CDH12: variants seen among roughly 807,000 people sequenced by gnomAD.
CDH12 encodes cadherin 12.
Under a neutral mutation model 74.1 loss-of-function variants are expected in CDH12, and 41 were observed. That is an observed-to-expected ratio of 0.55 (90% CI 0.43 to 0.72). The LOEUF is 0.72. Ranked by LOEUF, CDH12 falls within the 30% of genes least tolerant of loss-of-function variation. CDH12 has a pLI of 0.00. For missense variants in CDH12, 945 were observed against 977.2 expected, an observed-to-expected ratio of 0.97 and a Z score of 0.44; for synonymous variants, 399 against 355.0, an observed-to-expected ratio of 1.12 and a Z score of -1.39.
chr5:22,089,069 C>A (rs1034352650), intron 4 of CDH12, among the ~76,000 whole-genome samples: 1 of 152,174 alleles, frequency 6.6e-6, no homozygotes, highest in African/African-American at 2.4e-5. Flanking sequence ...CATTGACCAG[C>A]AGGCTGTTTA....
At chr5:21,934,774 C>T (rs1044469206) in intron 6 of CDH12, among the ~76,000 whole-genome samples, 2 of 151,906 alleles carry the variant, frequency 1.3e-5, no homozygotes, top group Non-Finnish European at 2.9e-5. Flanking sequence ...CCCCCTTTCC[C>T]TCCACATTCT....
chr5:22,822,471 G>T (rs1032767154), intron 1 of CDH12, among the ~76,000 whole-genome samples: 9 of 151,966 alleles, frequency 5.9e-5, no homozygotes, highest in African/African-American at 1.7e-4. Context: ...GAAAATTTTC[G>T]CAACCTACTC....
At chr5:22,122,420 C>A (rs1224812816) in intron 4 of CDH12, among the ~76,000 whole-genome samples, 1 of 151,956 alleles carries the variant, frequency 6.6e-6, no homozygotes, top group East Asian at 1.9e-4. Flanking sequence ...CAAAAACAAA[C>A]AAACAAACAA....
intron 5 of CDH12, among the ~76,000 whole-genome samples, chr5:21,993,344 G>GATTTTATTACTATGCTT (rs1736072397): frequency 6.6e-6 from 1 of 152,076 alleles, no homozygotes; most frequent in African/African-American, 2.4e-5. Context: ...CAGGACAATG[G>GATTTTATTACTATGCTT]ATTTTATTAC....
At chr5:21,946,819 G>C (rs1755599547) in intron 6 of CDH12, among the ~76,000 whole-genome samples, 1 of 152,174 alleles carries the variant, frequency 6.6e-6, no homozygotes, top group Non-Finnish European at 1.5e-5. Flanking sequence ...TTATAAAAAA[G>C]TGTAGCACAT....
chr5:22,502,109 T>C (rs1033188776), intron 2 of CDH12, among the ~76,000 whole-genome samples: 2 of 152,144 alleles, frequency 1.3e-5, no homozygotes, highest in Non-Finnish European at 2.9e-5. Context: ...ATAGTTGATA[T>C]GGTTTGGCTT....
intron 1 of CDH12, among the ~76,000 whole-genome samples, chr5:22,569,359 A>G (rs901256178): frequency 9.2e-5 from 14 of 152,164 alleles, no homozygotes; most frequent in Admixed American, 4.6e-4. Context: ...ACCATGTGAC[A>G]TGCTTGCTCT....
intron 1 of CDH12, among the ~76,000 whole-genome samples, chr5:22,554,135 G>C (rs1178405307): frequency 1.3e-5 from 2 of 152,104 alleles, no homozygotes; most frequent in Non-Finnish European, 2.9e-5. Flanking sequence ...AAAAAGATCA[G>C]GTGTTGCTGG....
intron 5 of CDH12, among the ~76,000 whole-genome samples, chr5:22,009,371 C>T (rs1393003463): frequency 6.6e-6 from 1 of 152,182 alleles, no homozygotes; most frequent in Non-Finnish European, 1.5e-5. Flanking sequence ...GCACGTCCTA[C>T]TTCCATTCAC....
chr5:22,029,284 C>T (rs1324001262), intron 5 of CDH12, among the ~76,000 whole-genome samples: 2 of 152,050 alleles, frequency 1.3e-5, no homozygotes, highest in African/African-American at 2.4e-5. Context: ...AACTAAAGAG[C>T]GTCTGCACAG....
chr5:22,692,788 G>A (rs1425151898), intron 1 of CDH12, among the ~76,000 whole-genome samples: 1 of 151,838 alleles, frequency 6.6e-6, no homozygotes, highest in Non-Finnish European at 1.5e-5. Context: ...TTGTAAAATT[G>A]CATTCAAGAC....
intron 1 of CDH12, among the ~76,000 whole-genome samples, chr5:22,819,954 T>C (rs1749589613): frequency 6.8e-6 from 1 of 147,618 alleles, no homozygotes; most frequent in Non-Finnish European, 1.5e-5. Flanking sequence ...TGTGTGTATA[T>C]ATATACACAT....
intron 1 of CDH12, among the ~76,000 whole-genome samples, chr5:22,824,601 A>G (rs904233099): frequency 1.1e-4 from 17 of 152,086 alleles, no homozygotes; most frequent in Non-Finnish European, 2.2e-4. Context: ...TTACCAACAT[A>G]AGCATTAAAT....
intron 1 of CDH12, among the ~76,000 whole-genome samples, chr5:22,771,349 T>A (rs976339629): frequency 1.3e-5 from 2 of 152,106 alleles, no homozygotes; most frequent in Admixed American, 6.6e-5. Flanking sequence ...CATGAACAAT[T>A]ATTAGCATAC....
intron 1 of CDH12, among the ~76,000 whole-genome samples, chr5:22,584,467 T>G (rs574800843): frequency 6.6e-6 from 1 of 152,358 alleles, no homozygotes; most frequent in Non-Finnish European, 1.5e-5. Flanking sequence ...TTTATTCATT[T>G]TTATTGTTTG....
chr5:22,330,771 C>T (rs1019119178), intron 3 of CDH12, among the ~76,000 whole-genome samples: 9 of 147,412 alleles, frequency 6.1e-5, no homozygotes, highest in South Asian at 2.2e-4. Context: ...AAAAAGCAGA[C>T]GGAAAAGTAA....
At chr5:22,355,363 AAC>A (rs1417225781) in intron 3 of CDH12, among the ~76,000 whole-genome samples, 1 of 152,038 alleles carries the variant, frequency 6.6e-6, no homozygotes, top group African/African-American at 2.4e-5. Context: ...GTCAACTAGG[AAC>A]AGTCCTGATG....
In CDH12 at chr5:22,445,127, T is replaced by C. The variant is rs1009522697; in HGVS notation, c.-427-39776A>G. Among the ~76,000 whole-genome samples, 4 of 152,212 alleles carry C rather than the reference T, an allele frequency of 2.6e-5. No homozygotes were observed. The East Asian group carries it at 5.8e-4, about 22-fold the overall frequency. On this transcript the variant is annotated intron_variant, in intron 2 of 14. Coordinates refer to ENST00000382254, the MANE Select transcript of CDH12 (RefSeq NM_004061.5). ...TTTCATGCACACACCCCAAATACTTTGTGAAATTTCTCTTGGAGATATAGC... is the reference window on the plus strand; with the variant it reads ...TTTCATGCACACACCCCAAATACTTCGTGAAATTTCTCTTGGAGATATAGC...
At chr5:22,851,943 A>G (rs1737575349) in intron 1 of CDH12, among the ~76,000 whole-genome samples, 1 of 152,200 alleles carries the variant, frequency 6.6e-6, no homozygotes, top group East Asian at 1.9e-4. Context: ...TTATAACCTT[A>G]CAACTGCTCA....
Sources: allele counts gnomAD v4.1 joint callset (sites outside exome capture counted in the v4.1 genomes callset), GRCh38; gene constraint gnomAD v4.1.1; transcripts MANE v1.5; gene names NCBI Gene and HGNC (gene_info 2026-07-23, HGNC 2026-07-21).